The following FABP6 variants were observed in gnomAD, a reference collection of about 807,000 sequenced individuals.
FABP6 encodes the protein fatty acid binding protein 6.
FABP6 carries 13 observed loss-of-function variants against 14.9 expected under a neutral mutation model. The ratio of observed to expected loss-of-function variants is 0.87; its 90% CI spans 0.57 to 1.39. FABP6 has a LOEUF of 1.39. Among genes scored for constraint, FABP6 ranks in the 40% most tolerant of loss-of-function variants. FABP6 has a pLI of 0.00. For missense variants in FABP6, 161 were observed against 167.2 expected (o/e 0.96, Z 0.20); for synonymous variants, 75 against 63.6 (o/e 1.18, Z -0.85).
intron 1 of FABP6, among the ~76,000 whole-genome samples, chr5:160,187,942 G>A (rs1306402042): frequency 1.3e-5 from 2 of 151,988 alleles, no homozygotes; most frequent in African/African-American, 4.8e-5. Context: ...AGTAGAGGCA[G>A]GGTTTCTCCA....
intron 1 of FABP6, among the ~76,000 whole-genome samples, chr5:160,191,906 G>A (rs1003926303): frequency 7.2e-4 from 109 of 151,364 alleles, no homozygotes; most frequent in African/African-American, 2.5e-3. Flanking sequence ...TCCAGGAGGC[G>A]GAGCTTGCAG....
At chr5:160,229,765 A>G (rs978559176) in intron 1 of FABP6, 141 bp downstream of exon 1, 2 of 651,038 alleles carry the variant, frequency 3.1e-6, no homozygotes, top group Non-Finnish European at 5.3e-6. Context: ...ACATTTGTTG[A>G]GCAACTGCTT....
chr5:160,208,724 G>A (rs1271371132), intron 2 of FABP6, among the ~76,000 whole-genome samples: 1 of 151,982 alleles, frequency 6.6e-6, no homozygotes, highest in African/African-American at 2.4e-5. Flanking sequence ...GGCCAGGCAT[G>A]CAAGACAAAC....
At position 160,192,665 on chromosome 5, in the gene FABP6, C is replaced by G. The variant is rs114230773; in HGVS notation, c.-59+5211C>G. Among the ~76,000 whole-genome samples, 829 of 152,310 alleles carry G rather than the reference C, an allele frequency of 5.4e-3. 4 individuals carry two copies. The highest frequency in any genetic ancestry group is 9.7e-3 in the Non-Finnish European group (659 of 67,996). Reference sequence around the variant, plus strand: ...CAGGGCAGCCACAGAGACACAGGCTCAGTCCTGGCTGAGGAACTCACTGGC... The same window carrying G: ...CAGGGCAGCCACAGAGACACAGGCTGAGTCCTGGCTGAGGAACTCACTGGC... On this transcript the variant is annotated intron_variant, in intron 1 of 6. Coordinates refer to the FABP6 transcript ENST00000393980.
intron 1 of FABP6, among the ~76,000 whole-genome samples, chr5:160,192,463 A>G (rs1207847067): frequency 6.6e-6 from 1 of 152,232 alleles, no homozygotes; most frequent in Admixed American, 6.5e-5. Context: ...TTTACTCTCC[A>G]CTAAGTCCCC....
At position 160,232,219 on chromosome 5, in the gene FABP6, G is replaced by A; in HGVS notation, c.189G>A (p.Lys63=). Residue 63 remains lysine (K), a synonymous_variant, in exon 2 of 4, where the codon AAG becomes AAA. Coordinates refer to ENST00000402432, the MANE Select transcript of FABP6 (RefSeq NM_001445.3). ...HYSGGHTMTN[K]FTVGKESNIQ... ...CCGGGGGCCACACCATGACCAACAA[G>A]TTCACTGTTGGCAAGGAAAGCAACA... 3.1e-6 allele frequency: 5 copies of A among 1,613,084 alleles called. No individual in the cohort carries two copies. Among genetic ancestry groups the A allele is most frequent in the South Asian group, 1.1e-5 (1 of 90,834 alleles).
At chr5:160,225,600 A>G (rs1715514718), upstream of FABP6, among the ~76,000 whole-genome samples, 1 of 149,018 alleles carries the variant, frequency 6.7e-6, no homozygotes, top group African/African-American at 2.5e-5. Flanking sequence ...GATGGGTTTC[A>G]CTGTTTAGCC....
chr5:160,229,329 G>T (rs1273170406), upstream of FABP6: 5 of 978,292 alleles, frequency 5.1e-6, no homozygotes, highest in Non-Finnish European at 5.6e-6. Flanking sequence ...TGGCAATGGG[G>T]TGACAGCACT....
At chr5:160,231,993 T>C (rs1580923662) in intron 1 of FABP6, 105 bp from the exon 2 acceptor site, 3 of 1,326,610 alleles carry the variant, frequency 2.3e-6, no homozygotes, top group Admixed American at 4.6e-5. Flanking sequence ...TAGCCTATCA[T>C]GCACAAGGGG....
intron 2 of FABP6, among the ~76,000 whole-genome samples, chr5:160,202,367 A>T (rs1291244554): frequency 6.6e-6 from 1 of 152,186 alleles, no homozygotes; most frequent in Non-Finnish European, 1.5e-5. Flanking sequence ...AAATATATAC[A>T]AACATACAAT....
chr5:160,193,288 G>T (rs937666041), intron 1 of FABP6, among the ~76,000 whole-genome samples: 1 of 152,050 alleles, frequency 6.6e-6, no homozygotes, highest in Non-Finnish European at 1.5e-5. Flanking sequence ...CGGTGGGCTC[G>T]TGGTCTCGCT....
At chr5:160,191,779 G>A (rs1426716547) in intron 1 of FABP6, among the ~76,000 whole-genome samples, 2 of 144,778 alleles carry the variant, frequency 1.4e-5, no homozygotes, top group African/African-American at 5.2e-5. Context: ...GGCTAACATG[G>A]TGAAACCCCA....
At chr5:160,223,368 TCCC>T (rs1760171703) in intron 3 of FABP6, among the ~76,000 whole-genome samples, 1 of 60,438 alleles carries the variant, frequency 1.7e-5, no homozygotes, top group African/African-American at 8.4e-5. Flanking sequence ...CTTCTTTCCC[TCCC>T]TCCCTCCCTC....
intron 2 of FABP6, among the ~76,000 whole-genome samples, chr5:160,234,424 T>C (rs1353659692): frequency 7.0e-6 from 1 of 143,758 alleles, no homozygotes; most frequent in East Asian, 2.0e-4. Context: ...TCTTGGTAAA[T>C]TCATTTTTTT....
intron 1 of FABP6, among the ~76,000 whole-genome samples, chr5:160,191,574 C>T (rs535536392): frequency 4.0e-5 from 6 of 148,230 alleles, no homozygotes; most frequent in South Asian, 2.1e-4. Context: ...TTTGCTTCAG[C>T]GTCAATGGCT....
intron 2 of FABP6, among the ~76,000 whole-genome samples, chr5:160,206,385 G>A (rs1759766099): frequency 1.3e-5 from 2 of 152,032 alleles, no homozygotes; most frequent in Admixed American, 1.3e-4. Context: ...CTGAGATCAT[G>A]CCACTCCACT....
upstream of FABP6, among the ~76,000 whole-genome samples, chr5:160,229,139 G>A (rs1580921523): frequency 5.3e-5 from 8 of 152,180 alleles, no homozygotes; most frequent in Admixed American, 5.2e-4. Flanking sequence ...GTTCATCTGT[G>A]TTTCTTCAGT....
At chr5:160,201,822 A>G (rs896895360) in intron 2 of FABP6, among the ~76,000 whole-genome samples, 1 of 152,150 alleles carries the variant, frequency 6.6e-6, no homozygotes, top group Non-Finnish European at 1.5e-5. Flanking sequence ...GGAATGCAGT[A>G]TATGATCATG....
upstream of FABP6, among the ~76,000 whole-genome samples, chr5:160,225,018 G>A (rs1760211269): frequency 6.8e-6 from 1 of 147,786 alleles, no homozygotes; most frequent in South Asian, 2.2e-4. Flanking sequence ...GGCCTCAAGT[G>A]ATCCGCCGGC....
Sources: gnomAD v4.1 joint callset for allele counts (sites outside exome capture counted in the v4.1 genomes callset) on GRCh38, gnomAD v4.1.1 for gene constraint, MANE v1.5 for transcripts, NCBI Gene and HGNC (gene_info 2026-07-23, HGNC 2026-07-21) for gene names.